The following GABARAPL1 variants were observed in gnomAD, a reference collection of about 807,000 sequenced individuals.
GABARAPL1 encodes the protein gamma-aminobutyric acid receptor-associated protein-like 1.
Under a neutral mutation model 14.5 loss-of-function variants are expected in GABARAPL1, and 4 were observed. That is an observed-to-expected ratio of 0.28 (90% CI 0.14 to 0.63). The LOEUF (loss-of-function observed/expected upper bound fraction) is 0.63. Among genes scored for constraint, GABARAPL1 ranks in the 30% least tolerant of loss-of-function variants. The pLI, the probability that GABARAPL1 is intolerant of heterozygous loss-of-function variation, is 0.84. For synonymous variants in GABARAPL1, 47 were observed against 50.6 expected (o/e 0.93, Z 0.30); for missense variants, 82 against 139.2 (o/e 0.59, Z 2.07).
chr12:10,214,169 T>C (rs1437056090), intron 1 of GABARAPL1: 2 of 238,000 alleles, frequency 8.4e-6, no homozygotes, highest in African/African-American at 2.2e-5. Flanking sequence ...GATTTTAAAA[T>C]TGTGCTCTTT....
chr12:10,213,044 C>A lies in GABARAPL1; in HGVS notation c.-86C>A. The A allele has an allele frequency of 1.2e-6, 1 of 818,790 alleles. No homozygotes were observed. The highest frequency in any genetic ancestry group is 2.1e-6 in the Non-Finnish European group (1 of 482,942). The allele number at this position is 818,790 out of a possible 1,614,324, so 50.7% of individuals were successfully genotyped here. ...GTTTCTGCAGCTATTCTGAGCACAC[C>A]TTGACGTCGGCTGAGGGAGCGGGAC... On this transcript the variant is annotated 5_prime_UTR_variant, in exon 1 of 4. Coordinates refer to ENST00000266458, the MANE Select transcript of GABARAPL1 (RefSeq NM_031412.4).
At chr12:10,213,953 G>C in intron 1 of GABARAPL1, 2 of 447,592 alleles carry the variant, frequency 4.5e-6, no homozygotes, top group Non-Finnish European at 9.0e-6. Flanking sequence ...ACCGGCTTAA[G>C]TAGTTAAAAC....
At chr12:10,218,866 A>G (rs116746891) in intron 2 of GABARAPL1, among the ~76,000 whole-genome samples, 5,380 of 151,298 alleles carry the variant, frequency 0.036, 321 homozygotes, top group African/African-American at 0.12. Flanking sequence ...CTGCCACCAT[A>G]CCCGGCTACT....
At chr12:10,214,138 T>C (rs1197504135) in intron 1 of GABARAPL1, 1 of 236,946 alleles carries the variant, frequency 4.2e-6, no homozygotes, top group Non-Finnish European at 8.9e-6. Flanking sequence ...AGCTGTTGGA[T>C]TTTGGAAATG....
chr12:10,220,918 T>C, intron 3 of GABARAPL1: 1 of 1,352,966 alleles, frequency 7.4e-7, no homozygotes, highest in Non-Finnish European at 9.5e-7. Context: ...GCATGTAATT[T>C]GTAATGCATT....
chr12:10,214,195 C>CCTG (rs1565436204), intron 1 of GABARAPL1: 2 of 220,608 alleles, frequency 9.1e-6, no homozygotes, highest in Non-Finnish European at 9.5e-6. Flanking sequence ...CAGGTAGGAA[C>CCTG]ATTAGTATTA....
intron 3 of GABARAPL1, 86 bp downstream of exon 3, chr12:10,220,644 A>G (rs770321043): frequency 6.3e-7 from 1 of 1,596,840 alleles, no homozygotes; most frequent in African/African-American, 1.3e-5. Context: ...TTGATAACAC[A>G]TCTGAGAAGT....
Position 10,217,943 on chromosome 12 carries a change from G to T in GABARAPL1, c.91-120G>T. ...GGGTGGGGGGATAAGAAATGAAACA[G>T]GTGTCCTGGGCCTAGACAGATTCAT... On this transcript the variant is annotated intron_variant, in intron 1 of 3. Transcript: ENST00000266458. 7.6e-6 allele frequency: 5 copies of T among 660,744 alleles called. 1 individual carries two copies. The South Asian group carries it at 8.2e-5, about 11-fold the overall frequency. 40.9% of individuals were successfully genotyped at this position (660,744 alleles called of 1,614,324 possible). A position where few individuals can be genotyped will look rare whatever the true frequency, so the allele number is the denominator to read the frequency against.
At chr12:10,217,962 G>A (rs1949099901) in intron 1 of GABARAPL1, 101 bp from the exon 2 acceptor site, 1 of 743,000 alleles carries the variant, frequency 1.3e-6, no homozygotes, top group Non-Finnish European at 2.5e-6. Flanking sequence ...GGCCTAGACA[G>A]ATTCATTTCC....
intron 2 of GABARAPL1, 36 bp from the exon 3 acceptor site, chr12:10,220,404 C>T: frequency 1.2e-6 from 2 of 1,611,010 alleles, no homozygotes; most frequent in Admixed American, 1.7e-5. Flanking sequence ...TGTTTTCTTA[C>T]TTTCTTTTCT....
chr12:10,218,079 C>T lies in GABARAPL1; in HGVS notation c.107C>T (p.Ala36Val), dbSNP rs1162736681. 2 of 1,604,722 alleles carry T rather than the reference C, an allele frequency of 1.2e-6. No individual in the cohort carries two copies. The highest frequency in any genetic ancestry group is 1.7e-6 in the Non-Finnish European group (2 of 1,171,394). ...TTCTTCCAGGTGATTGTAGAGAAGG[C>T]TCCAAAAGCCAGGGTGCCTGATCTG... ...PDRVPVIVEK[A>V]PKARVPDLDK... The change falls in exon 2 of 4, where the codon GCT (alanine) becomes GTT (valine). Residue 36 changes from alanine to valine, a missense_variant. Physicochemically the swap from Ala to Val is moderately conservative, Grantham distance 64. This residue lies in a region of GABARAPL1 where 65 missense variants were observed against 103.7 expected (regional missense o/e 0.63). Coordinates refer to ENST00000266458, the MANE Select transcript of GABARAPL1 (RefSeq NM_031412.4).
At chr12:10,214,268 CTG>C (rs1450878808) in intron 1 of GABARAPL1, 1 of 164,780 alleles carries the variant, frequency 6.1e-6, no homozygotes, top group Non-Finnish European at 1.3e-5. Flanking sequence ...CACAGCCACT[CTG>C]GGTTTCTTCT....
intron 1 of GABARAPL1, among the ~76,000 whole-genome samples, chr12:10,215,218 T>G (rs1949080979): frequency 6.6e-6 from 1 of 152,186 alleles, no homozygotes; most frequent in African/African-American, 2.4e-5. Flanking sequence ...CTGAAGCCCA[T>G]TCCAGCTTGA....
intron 3 of GABARAPL1, chr12:10,220,960 A>C (rs181204502): frequency 2.4e-6 from 3 of 1,266,830 alleles, no homozygotes; most frequent in East Asian, 3.2e-5. Flanking sequence ...ACTCCCATTT[A>C]GCAACAGATT....
At chr12:10,218,848 G>A (rs536393141) in intron 2 of GABARAPL1, among the ~76,000 whole-genome samples, 156 of 151,612 alleles carry the variant, frequency 1.0e-3, no homozygotes, top group African/African-American at 3.2e-3. Flanking sequence ...AGCTGGGATT[G>A]CAGGCACCTG....
At chr12:10,221,679 G>T in intron 3 of GABARAPL1, 108 bp from the exon 4 acceptor site, 1 of 1,254,850 alleles carries the variant, frequency 8.0e-7, no homozygotes. Context: ...TTTAAATGGG[G>T]ACTAATGATA....
intron 1 of GABARAPL1, among the ~76,000 whole-genome samples, chr12:10,215,665 TA>T (rs1052378479): frequency 6.6e-5 from 10 of 152,162 alleles, no homozygotes; most frequent in African/African-American, 2.4e-4. Flanking sequence ...TCACTTTCTT[TA>T]TCTGTCTTCC....
chr12:10,213,512 C>A (rs749616164), intron 1 of GABARAPL1: 25 of 373,780 alleles, frequency 6.7e-5, no homozygotes, highest in Non-Finnish European at 1.1e-4. Context: ...CAGCTGAGAC[C>A]GTGTGTGGGT....
In GABARAPL1 at chr12:10,217,836, A is replaced by G. The variant is rs368883051; in HGVS notation, c.91-227A>G. On this transcript the variant is annotated intron_variant, in intron 1 of 3. Coordinates refer to ENST00000266458, the MANE Select transcript of GABARAPL1 (RefSeq NM_031412.4). ...ATCAAAGTTCTTTTTACTTTTCATC[A>G]TATACAATCTCTAGTTTATTTTTAT... Among the ~76,000 whole-genome samples the G allele has an allele frequency of 7.9e-5, 12 of 152,280 alleles. No homozygotes were observed. The East Asian group carries it at 2.1e-3, about 27-fold the overall frequency.
Sources: allele counts gnomAD v4.1 joint callset (sites outside exome capture counted in the v4.1 genomes callset), GRCh38; gene constraint gnomAD v4.1.1; regional missense constraint gnomAD v4.1.1; transcripts MANE v1.5; gene names NCBI Gene and HGNC (gene_info 2026-07-23, HGNC 2026-07-21).